C8orf34: variants seen among roughly 807,000 people sequenced by gnomAD.
The protein encoded by C8orf34 is chromosome 8 open reading frame 34.
Under a neutral mutation model 68.3 loss-of-function variants are expected in C8orf34, and 65 were observed. The ratio of observed to expected loss-of-function variants is 0.95; its 90% CI spans 0.78 to 1.17. The LOEUF (loss-of-function observed/expected upper bound fraction) is 1.17, where lower values mean the gene tolerates loss of function less well. Ranked by LOEUF, C8orf34 falls within the 50% of genes most tolerant of loss-of-function variation. The probability of loss-of-function intolerance (pLI) is 0.00; values close to 1 mark genes in which losing one functional copy is unlikely to be tolerated. For synonymous variants in C8orf34, 244 were observed against 241.2 expected (o/e 1.01, Z -0.11); for missense variants, 664 against 655.4 (o/e 1.01, Z -0.14).
chr8:68,475,764 G>A (rs1812587191), intron 4 of C8orf34, among the ~76,000 whole-genome samples: 1 of 152,228 alleles, frequency 6.6e-6, no homozygotes, highest in Admixed American at 6.5e-5. Flanking sequence ...TATTCCCAGG[G>A]TGGCAGGGTT....
Position 68,818,253 on chromosome 8 carries a change from GAGA to G in C8orf34, c.*13_*15del, listed in dbSNP as rs778916179. 18 of 1,611,428 alleles carry G rather than the reference GAGA, an allele frequency of 1.1e-5. No individual in the cohort carries two copies. The highest frequency in any genetic ancestry group is 3.5e-4 in the Middle Eastern group (2 of 5,760). On this transcript the variant is annotated 3_prime_UTR_variant, in exon 14 of 14. Transcript: ENST00000518698. Reference sequence around the variant, plus strand: ...CTCCTCTGCAGGTTTGTGAAACAGAGAGAAGAAGTTGCAAGTGGTCCTTAAAGA... The same window carrying G: ...CTCCTCTGCAGGTTTGTGAAACAGAGAGAAGTTGCAAGTGGTCCTTAAAGA...
intron 7 of C8orf34, among the ~76,000 whole-genome samples, chr8:68,553,585 G>C (rs1462497289): frequency 6.6e-6 from 1 of 151,854 alleles, no homozygotes; most frequent in Non-Finnish European, 1.5e-5. Flanking sequence ...GGTTAGTTTT[G>C]ATAATTTATT....
intron 7 of C8orf34, among the ~76,000 whole-genome samples, chr8:68,586,968 T>C (rs1817227999): frequency 6.6e-6 from 1 of 152,138 alleles, no homozygotes; most frequent in African/African-American, 2.4e-5. Context: ...TGCAATACTC[T>C]CTATGGTCTG....
In C8orf34 at chr8:68,468,801, C is replaced by T. The variant is rs1466701126; in HGVS notation, c.717C>T (p.Ala239=). The T allele has an allele frequency of 6.2e-7, 1 of 1,610,328 alleles. No homozygotes were observed. Among genetic ancestry groups the T allele is most frequent in the Admixed American group, 1.7e-5 (1 of 59,328 alleles). ...ILQESKKLGK[A]LENLSRSIAI... is the part of the protein sequence containing the mutation. Reference sequence around the variant, plus strand: ...AGGAGAGCAAGAAGCTGGGGAAAGCCCTTGAGAATCTCTCTCGAAGTAAGT... The same window carrying T: ...AGGAGAGCAAGAAGCTGGGGAAAGCTCTTGAGAATCTCTCTCGAAGTAAGT... Residue 239 remains alanine (A), a synonymous_variant, in exon 4 of 14, where the codon GCC becomes GCT. Transcript: ENST00000518698.
chr8:68,549,691 A>T (rs1218244678), intron 7 of C8orf34, among the ~76,000 whole-genome samples: 1 of 151,764 alleles, frequency 6.6e-6, no homozygotes, highest in Non-Finnish European at 1.5e-5. Context: ...AATGATAATG[A>T]TGATATTGAG....
intron 10 of C8orf34, among the ~76,000 whole-genome samples, chr8:68,766,720 C>G (rs1008822945): frequency 6.6e-6 from 1 of 152,090 alleles, no homozygotes. Context: ...TAAAATTTCA[C>G]TTGGACTTTA....
chr8:68,720,163 A>G (rs1199766207), intron 9 of C8orf34, among the ~76,000 whole-genome samples: 3 of 151,994 alleles, frequency 2.0e-5, no homozygotes, highest in African/African-American at 4.8e-5. Flanking sequence ...AAATTCACCT[A>G]TAATTTGAGA....
chr8:68,403,274 C>A (rs1056605017), intron 1 of C8orf34, among the ~76,000 whole-genome samples: 1 of 152,184 alleles, frequency 6.6e-6, no homozygotes, highest in Non-Finnish European at 1.5e-5. Flanking sequence ...CTTGCTCATT[C>A]TTGCCATTTG....
chr8:68,409,028 A>C lies in C8orf34; in HGVS notation c.328-30471A>C, dbSNP rs142796768. Among the ~76,000 whole-genome samples, 1,193 of 152,030 alleles carry C rather than the reference A, an allele frequency of 7.8e-3. 25 individuals carry two copies. The highest frequency in any genetic ancestry group is 0.028 in the African/African-American group (1,142 of 41,496). On this transcript the variant is annotated intron_variant, in intron 1 of 13. Transcript: ENST00000518698. ...GATCTTGAACTCCTGACCTCATGAT[A>C]CACCCGCCTTGGCCTCCCAAAGTGC...
chr8:68,533,512 T>G, intron 7 of C8orf34: 2 of 989,996 alleles, frequency 2.0e-6, no homozygotes, highest in Non-Finnish European at 2.4e-6. Flanking sequence ...ATACCCAAAG[T>G]ACATATTTCA....
At chr8:68,559,262 T>A (rs1816348584) in intron 7 of C8orf34, among the ~76,000 whole-genome samples, 1 of 152,236 alleles carries the variant, frequency 6.6e-6, no homozygotes, top group Admixed American at 6.5e-5. Context: ...AAGTAATTTC[T>A]ATGTGTCCAG....
At chr8:68,804,968 A>C (rs917861735) in intron 12 of C8orf34, among the ~76,000 whole-genome samples, 13 of 152,220 alleles carry the variant, frequency 8.5e-5, no homozygotes, top group Admixed American at 7.8e-4. Flanking sequence ...TTCTGTTGAT[A>C]TAGACCACAA....
At chr8:68,409,289 G>A (rs192213407) in intron 1 of C8orf34, among the ~76,000 whole-genome samples, 1 of 152,302 alleles carries the variant, frequency 6.6e-6, no homozygotes, top group East Asian at 1.9e-4. Context: ...CCAGAAGAAA[G>A]CATTGTTGTC....
chr8:68,691,619 C>A (rs1054952977), intron 8 of C8orf34, among the ~76,000 whole-genome samples: 2 of 151,992 alleles, frequency 1.3e-5, no homozygotes, highest in African/African-American at 4.8e-5. Context: ...TTCAAAAATA[C>A]ATTGATTTTA....
chr8:68,587,871 G>C (rs1234179524), intron 7 of C8orf34, among the ~76,000 whole-genome samples: 3 of 152,100 alleles, frequency 2.0e-5, no homozygotes, highest in Non-Finnish European at 4.4e-5. Context: ...GACAGAGAGA[G>C]AGAATGTGAA....
intron 7 of C8orf34, among the ~76,000 whole-genome samples, chr8:68,616,684 T>C (rs916225998): frequency 3.3e-5 from 5 of 152,144 alleles, no homozygotes; most frequent in African/African-American, 1.2e-4. Context: ...TTCTTTTACA[T>C]TTGCTGAGGA....
At chr8:68,796,018 G>A (rs979793220) in intron 12 of C8orf34, among the ~76,000 whole-genome samples, 23 of 152,152 alleles carry the variant, frequency 1.5e-4, no homozygotes, top group Non-Finnish European at 2.8e-4. Context: ...TGAGGGTGCC[G>A]CATTTGGGAA....
chr8:68,487,093 A>G (rs549195644), intron 4 of C8orf34, among the ~76,000 whole-genome samples: 1 of 152,352 alleles, frequency 6.6e-6, no homozygotes, highest in African/African-American at 2.4e-5. Context: ...AATGCCCACA[A>G]GAATTCAACA....
At chr8:68,552,006 G>T (rs962497816) in intron 7 of C8orf34, among the ~76,000 whole-genome samples, 8 of 152,002 alleles carry the variant, frequency 5.3e-5, no homozygotes, top group Admixed American at 6.6e-5. Context: ...CATTGAATTT[G>T]CTTGGTATTC....
Sources: gnomAD v4.1 joint callset for allele counts (sites outside exome capture counted in the v4.1 genomes callset) on GRCh38, gnomAD v4.1.1 for gene constraint, MANE v1.5 for transcripts, NCBI Gene and HGNC (gene_info 2026-07-23, HGNC 2026-07-21) for gene names.